CDK8: variants seen among roughly 807,000 people sequenced by gnomAD.
The protein encoded by CDK8 is cyclin-dependent kinase 8.
A neutral mutation model predicts 71.5 loss-of-function variants in CDK8; 29 were observed. That is an observed-to-expected ratio of 0.41 (90% CI 0.30 to 0.55). The LOEUF is 0.55. Among genes scored for constraint, CDK8 ranks in the 20% least tolerant of loss-of-function variants. The probability of loss-of-function intolerance (pLI) is 0.37; values close to 1 mark genes in which losing one functional copy is unlikely to be tolerated. For synonymous variants in CDK8, 161 were observed against 192.1 expected (o/e 0.84, Z 1.34); for missense variants, 288 against 572.6 (o/e 0.50, Z 5.07).
intron 1 of CDK8, among the ~76,000 whole-genome samples, chr13:26,333,155 T>C (rs1872830569): frequency 1.3e-5 from 2 of 152,124 alleles, no homozygotes; most frequent in Non-Finnish European, 1.5e-5. Context: ...TTTTTTTTTT[T>C]TGAGACTCAG....
chr13:26,299,575 T>C (rs1161614369), intron 1 of CDK8, among the ~76,000 whole-genome samples: 2 of 152,216 alleles, frequency 1.3e-5, no homozygotes, highest in Admixed American at 1.3e-4. Context: ...AGCTACACAG[T>C]TCACTGGCAA....
intron 4 of CDK8, among the ~76,000 whole-genome samples, chr13:26,355,511 A>T (rs35835939): frequency 0.059 from 9,024 of 152,266 alleles, 368 homozygotes; most frequent in Middle Eastern, 0.14. Context: ...GCTACTCGGG[A>T]GGCTGAGGCA....
chr13:26,272,922 TC>T (rs1872397341), intron 1 of CDK8, among the ~76,000 whole-genome samples: 1 of 152,212 alleles, frequency 6.6e-6, no homozygotes, highest in South Asian at 2.1e-4. Flanking sequence ...ATTTGGCTTG[TC>T]TTTTTACTTT....
chr13:26,340,743 G>C (rs888793844), intron 2 of CDK8, among the ~76,000 whole-genome samples: 2 of 152,016 alleles, frequency 1.3e-5, no homozygotes, highest in East Asian at 3.9e-4. Context: ...CTTTTTATCT[G>C]TGTGCCTGGT....
intron 1 of CDK8, among the ~76,000 whole-genome samples, chr13:26,260,228 A>G (rs1289439501): frequency 6.6e-6 from 1 of 152,054 alleles, no homozygotes; most frequent in Non-Finnish European, 1.5e-5. Flanking sequence ...AGTAGTATAT[A>G]TATGCACTAC....
chr13:26,349,581 C>T (rs183923446), intron 3 of CDK8, among the ~76,000 whole-genome samples: 3 of 152,202 alleles, frequency 2.0e-5, no homozygotes, highest in South Asian at 2.1e-4. Context: ...TGTAGGAGGA[C>T]GAATATGCTA....
At chr13:26,353,532 A>G (rs1350338546) in intron 3 of CDK8, among the ~76,000 whole-genome samples, 1 of 152,132 alleles carries the variant, frequency 6.6e-6, no homozygotes, top group Non-Finnish European at 1.5e-5. Context: ...TATCTCCTGA[A>G]ATGCTGTCAT....
intron 1 of CDK8, among the ~76,000 whole-genome samples, chr13:26,310,777 G>A (rs1874248144): frequency 6.6e-6 from 1 of 152,118 alleles, no homozygotes; most frequent in Non-Finnish European, 1.5e-5. Flanking sequence ...GTGGACCTCT[G>A]CTCTACATTG....
At position 26,278,419 on chromosome 13, in the gene CDK8, C is replaced by G. The variant is rs376063913; in HGVS notation, c.128+23650C>G. Among the ~76,000 whole-genome samples, 7 of 152,038 alleles carry G rather than the reference C, an allele frequency of 4.6e-5. No homozygotes were observed. The East Asian group carries it at 7.7e-4, about 17-fold the overall frequency. Reference sequence around the variant, plus strand: ...GCATGAGCTAGAAAGTAATAGTGCTCTAATCCTCCGACCACCGTTTCCCTT... The same window carrying G: ...GCATGAGCTAGAAAGTAATAGTGCTGTAATCCTCCGACCACCGTTTCCCTT... On this transcript the variant is annotated intron_variant, in intron 1 of 12. Coordinates refer to ENST00000381527, the MANE Select transcript of CDK8 (RefSeq NM_001260.3).
At chr13:26,394,848 T>C (rs139896070) in intron 7 of CDK8, among the ~76,000 whole-genome samples, 188 of 152,224 alleles carry the variant, frequency 1.2e-3, no homozygotes, top group African/African-American at 4.5e-3. Flanking sequence ...TTTAGTAAGA[T>C]GGTGGTAGGT....
At chr13:26,333,242 C>A (rs1872834836) in intron 1 of CDK8, among the ~76,000 whole-genome samples, 1 of 151,872 alleles carries the variant, frequency 6.6e-6, no homozygotes, top group Non-Finnish European at 1.5e-5. Context: ...TGGGTTCAAG[C>A]AATTCTTCTA....
At chr13:26,343,771 G>C (rs1245517125) in intron 2 of CDK8, among the ~76,000 whole-genome samples, 2 of 152,040 alleles carry the variant, frequency 1.3e-5, no homozygotes, top group Non-Finnish European at 2.9e-5. Flanking sequence ...TTAGTTTACT[G>C]TAACTTTTTT....
intron 3 of CDK8, among the ~76,000 whole-genome samples, chr13:26,353,070 G>A (rs1873748911): frequency 6.6e-6 from 1 of 152,154 alleles, no homozygotes; most frequent in African/African-American, 2.4e-5. Flanking sequence ...GTCCTATCAA[G>A]AGCATTTGAA....
At chr13:26,314,307 AAC>A (rs1874416465) in intron 1 of CDK8, among the ~76,000 whole-genome samples, 1 of 152,228 alleles carries the variant, frequency 6.6e-6, no homozygotes, top group Non-Finnish European at 1.5e-5. Context: ...TCTGAGAAAT[AAC>A]AGTTACTAAG....
intron 1 of CDK8, among the ~76,000 whole-genome samples, chr13:26,280,191 G>A (rs992431723): frequency 2.0e-5 from 3 of 152,130 alleles, no homozygotes; most frequent in African/African-American, 7.2e-5. Flanking sequence ...AATTTTCAGC[G>A]AGAATACTTA....
At chr13:26,320,208 T>G (rs1368299582) in intron 1 of CDK8, among the ~76,000 whole-genome samples, 1 of 151,380 alleles carries the variant, frequency 6.6e-6, no homozygotes, top group Non-Finnish European at 1.5e-5. Context: ...GAGACCAGCC[T>G]GGGCAAAATG....
chr13:26,291,780 T>C (rs1383865853), intron 1 of CDK8, among the ~76,000 whole-genome samples: 1 of 152,218 alleles, frequency 6.6e-6, no homozygotes, highest in East Asian at 1.9e-4. Context: ...CAAACTTTCT[T>C]TCCCCATCTT....
At chr13:26,396,572 T>C (rs1876004716) in intron 8 of CDK8, among the ~76,000 whole-genome samples, 1 of 152,148 alleles carries the variant, frequency 6.6e-6, no homozygotes, top group Non-Finnish European at 1.5e-5. Context: ...GCAGCTGATT[T>C]GGATATAAAA....
intron 1 of CDK8, among the ~76,000 whole-genome samples, chr13:26,295,000 C>T (rs1315503746): frequency 6.6e-6 from 1 of 152,144 alleles, no homozygotes; most frequent in Admixed American, 6.5e-5. Context: ...TGCCCCTCGG[C>T]CTCCCAAAGT....
Sources: gnomAD v4.1 joint callset for allele counts (sites outside exome capture counted in the v4.1 genomes callset) on GRCh38, gnomAD v4.1.1 for gene constraint, MANE v1.5 for transcripts, NCBI Gene and HGNC (gene_info 2026-07-23, HGNC 2026-07-21) for gene names.